Variants in BNC2 observed in about 807,000 individuals in gnomAD.
BNC2 encodes the protein zinc finger protein basonuclin-2.
A neutral mutation model predicts 76.3 loss-of-function variants in BNC2; 20 were observed. The ratio of observed to expected loss-of-function variants is 0.26; its 90% CI spans 0.18 to 0.38. The LOEUF (loss-of-function observed/expected upper bound fraction) is 0.38. Among genes scored for constraint, BNC2 ranks in the 10% least tolerant of loss-of-function variants. The probability of loss-of-function intolerance (pLI) is 1.00; values close to 1 mark genes in which losing one functional copy is unlikely to be tolerated. For missense variants in BNC2, 1,382 were observed against 1,399.8 expected, an observed-to-expected ratio of 0.99 and a Z score of 0.20; for synonymous variants, 582 against 514.8, an observed-to-expected ratio of 1.13 and a Z score of -1.77.
intron 6 of BNC2, among the ~76,000 whole-genome samples, chr9:16,433,977 G>C (rs780390925): frequency 5.9e-5 from 9 of 151,970 alleles, no homozygotes; most frequent in South Asian, 2.1e-4. Flanking sequence ...AGGAGGTTGG[G>C]TACAGTATTT....
At chr9:16,499,937 G>C (rs1296468187) in intron 5 of BNC2, among the ~76,000 whole-genome samples, 1 of 151,906 alleles carries the variant, frequency 6.6e-6, no homozygotes, top group South Asian at 2.1e-4. Context: ...TAAGGCTCTT[G>C]GAACTCAGCT....
In BNC2 at chr9:16,420,108, GCA is replaced by G. The variant is rs770721145; in HGVS notation, c.2640-461_2640-460del. Among the ~76,000 whole-genome samples, 146 of 152,074 alleles carry G rather than the reference GCA, an allele frequency of 9.6e-4. 2 individuals are homozygous for G. In the Middle Eastern group the frequency reaches 0.027, roughly 28 times the overall value. On this transcript the variant is annotated intron_variant, in intron 6 of 6. Transcript: ENST00000380672. ...AAAAAGTAAACATCTTTTCTATACAGCACACACTTTATTTTGAGGTATAGAAA... is the reference window on the plus strand; with the variant it reads ...AAAAAGTAAACATCTTTTCTATACAGCACACTTTATTTTGAGGTATAGAAA...
rs574941033 is a variant in BNC2, at chr9:16,732,325, T to C, written c.130-4328A>G. The stretch of plus-strand genomic sequence containing the variant: ...GATATAACCTATGTTTTCTTCTTTC[T>C]ACTTAATTTCTTTAAAAGCACATTG... On this transcript the variant is annotated intron_variant, in intron 2 of 6. Transcript: ENST00000380672. Among the ~76,000 whole-genome samples the C allele has an allele frequency of 1.1e-4, 16 of 152,264 alleles. No individual in the cohort carries two copies. The South Asian group carries it at 1.7e-3, about 16-fold the overall frequency.
At chr9:16,786,351 T>C (rs142337944) in intron 1 of BNC2, among the ~76,000 whole-genome samples, 3 of 152,176 alleles carry the variant, frequency 2.0e-5, no homozygotes, top group Admixed American at 6.5e-5. Context: ...TGCATTAATA[T>C]TCAACTTCAT....
intron 5 of BNC2, among the ~76,000 whole-genome samples, chr9:16,512,163 T>C (rs1465946965): frequency 1.3e-5 from 2 of 152,202 alleles, no homozygotes; most frequent in African/African-American, 2.4e-5. Context: ...ATTTTTTCTT[T>C]CCTTGAAGTG....
At chr9:16,457,912 T>C (rs1378977589) in intron 5 of BNC2, among the ~76,000 whole-genome samples, 1 of 152,154 alleles carries the variant, frequency 6.6e-6, no homozygotes, top group Non-Finnish European at 1.5e-5. Flanking sequence ...GTTTCAGATC[T>C]GCATCCCCAC....
intron 3 of BNC2, among the ~76,000 whole-genome samples, chr9:16,703,742 G>A (rs1206576431): frequency 1.3e-5 from 2 of 151,974 alleles, no homozygotes; most frequent in African/African-American, 2.4e-5. Context: ...TATAAATAGG[G>A]CACACGGGTC....
At chr9:16,616,790 G>GGGAAGGAAGGAAGGAAGGAA (rs548575000) in intron 3 of BNC2, among the ~76,000 whole-genome samples, 2 of 10,338 alleles carry the variant, frequency 1.9e-4, no homozygotes, top group East Asian at 1.6e-3. Flanking sequence ...GGAGGAAGGA[G>GGGAAGGAAGGAAGGAAGGAA]GGAAGGAAGG....
chr9:16,423,867 C>T (rs1432416364), intron 6 of BNC2, among the ~76,000 whole-genome samples: 1 of 152,096 alleles, frequency 6.6e-6, no homozygotes, highest in Non-Finnish European at 1.5e-5. Flanking sequence ...TGTGAATCTA[C>T]CAAAAGCTTG....
Position 16,482,351 on chromosome 9 carries a change from AG to A in BNC2, c.670-44828del, listed in dbSNP as rs565883939. Among the ~76,000 whole-genome samples the A allele has an allele frequency of 3.9e-3, 592 of 152,260 alleles. 2 individuals are homozygous for A. Among genetic ancestry groups the A allele is most frequent in the Middle Eastern group, 0.017 (5 of 294 alleles). ...AATAAATCAAATTGGTATCAGTGCA[AG>A]GTCCCTGTTGGCTATTATATCCCAT... On this transcript the variant is annotated intron_variant, in intron 5 of 6. Transcript: ENST00000380672.
chr9:16,484,019 CTT>C (rs1822111355), intron 5 of BNC2, among the ~76,000 whole-genome samples: 2 of 152,210 alleles, frequency 1.3e-5, no homozygotes, highest in South Asian at 4.1e-4. Context: ...CCTGCCAACT[CTT>C]TTATTCTTTC....
intron 1 of BNC2, among the ~76,000 whole-genome samples, chr9:16,821,202 C>T (rs769550695): frequency 2.0e-5 from 3 of 146,544 alleles, no homozygotes; most frequent in African/African-American, 7.6e-5. Flanking sequence ...CATTGCAATA[C>T]GGCCTGGGCA....
At chr9:16,749,114 G>A (rs147759625) in intron 1 of BNC2, among the ~76,000 whole-genome samples, 1 of 151,916 alleles carries the variant, frequency 6.6e-6, no homozygotes, top group Non-Finnish European at 1.5e-5. Flanking sequence ...TCAAAGCACA[G>A]TTCCTGCCTG....
intron 1 of BNC2, among the ~76,000 whole-genome samples, chr9:16,782,423 G>A (rs562842478): frequency 3.9e-5 from 6 of 152,184 alleles, no homozygotes; most frequent in Admixed American, 2.0e-4. Flanking sequence ...AAATGCAGAG[G>A]AAAATTTTTC....
At chr9:16,809,365 A>G (rs1356187474) in intron 1 of BNC2, among the ~76,000 whole-genome samples, 1 of 150,790 alleles carries the variant, frequency 6.6e-6, no homozygotes, top group African/African-American at 2.4e-5. Flanking sequence ...TTTTTTATGG[A>G]AAAAAAAATG....
At chr9:16,737,492 C>T (rs1251941359) in intron 2 of BNC2, among the ~76,000 whole-genome samples, 1 of 151,014 alleles carries the variant, frequency 6.6e-6, no homozygotes, top group Non-Finnish European at 1.5e-5. Context: ...CCTCGTGATC[C>T]ACCCACCTCA....
intron 3 of BNC2, among the ~76,000 whole-genome samples, chr9:16,594,117 GA>G (rs1233535813): frequency 6.6e-6 from 1 of 152,118 alleles, no homozygotes; most frequent in Non-Finnish European, 1.5e-5. Flanking sequence ...GATGCAAAAA[GA>G]CTTATAAACC....
chr9:16,842,878 A>G (rs948481095), intron 1 of BNC2, among the ~76,000 whole-genome samples: 3 of 152,190 alleles, frequency 2.0e-5, no homozygotes, highest in East Asian at 1.9e-4. Context: ...CAGCCTCCCA[A>G]GTAGCTGGGA....
intron 5 of BNC2, among the ~76,000 whole-genome samples, chr9:16,499,215 A>T (rs1822465718): frequency 6.6e-6 from 1 of 152,180 alleles, no homozygotes; most frequent in Middle Eastern, 3.2e-3. Flanking sequence ...AAATCTTCCA[A>T]GGTGGGTATT....
Sources: allele counts gnomAD v4.1 joint callset (sites outside exome capture counted in the v4.1 genomes callset), GRCh38; gene constraint gnomAD v4.1.1; transcripts MANE v1.5; gene names NCBI Gene and HGNC (gene_info 2026-07-23, HGNC 2026-07-21).